The following CAMK4 variants were observed in gnomAD, a reference collection of about 807,000 sequenced individuals.
CAMK4 encodes calcium/calmodulin dependent protein kinase IV, also known as calcium/calmodulin-dependent protein kinase type IV.
Under a neutral mutation model 44.9 loss-of-function variants are expected in CAMK4, and 22 were observed. That is an observed-to-expected ratio of 0.49 (90% CI 0.35 to 0.70). The LOEUF is 0.70. Ranked by LOEUF, CAMK4 falls within the 30% of genes least tolerant of loss-of-function variation. The pLI, the probability that CAMK4 is intolerant of heterozygous loss-of-function variation, is 0.01. For synonymous variants in CAMK4, 218 were observed against 215.4 expected (o/e 1.01, Z -0.11); for missense variants, 498 against 586.8 (o/e 0.85, Z 1.56).
At chr5:111,275,690 G>T (rs1336161213) in intron 1 of CAMK4, among the ~76,000 whole-genome samples, 1 of 152,100 alleles carries the variant, frequency 6.6e-6, no homozygotes, top group African/African-American at 2.4e-5. Context: ...TGGTTAGATA[G>T]AAGGAAAAAG....
intron 1 of CAMK4, among the ~76,000 whole-genome samples, chr5:111,259,844 A>G (rs1038545513): frequency 2.6e-5 from 4 of 152,290 alleles, no homozygotes; most frequent in Non-Finnish European, 5.9e-5. Context: ...ATCATTAACA[A>G]CCTGACAGGT....
At chr5:111,452,559 C>T (rs1324300278) in intron 7 of CAMK4, among the ~76,000 whole-genome samples, 2 of 152,144 alleles carry the variant, frequency 1.3e-5, no homozygotes, top group Non-Finnish European at 2.9e-5. Flanking sequence ...TGCTCATGTC[C>T]TTCCTTAGCT....
chr5:111,227,275 C>T (rs2112486611), intron 1 of CAMK4, among the ~76,000 whole-genome samples: 1 of 152,324 alleles, frequency 6.6e-6, no homozygotes, highest in East Asian at 1.9e-4. Context: ...AATCTTCTTT[C>T]TTCCTACACT....
intron 1 of CAMK4, among the ~76,000 whole-genome samples, chr5:111,312,092 C>T (rs1362301918): frequency 6.6e-6 from 1 of 152,110 alleles, no homozygotes; most frequent in Non-Finnish European, 1.5e-5. Flanking sequence ...AATTTTCATA[C>T]AAAGAACTTA....
chr5:111,309,600 C>A (rs1580566096), intron 1 of CAMK4, among the ~76,000 whole-genome samples: 2 of 152,248 alleles, frequency 1.3e-5, no homozygotes, highest in Non-Finnish European at 1.5e-5. Context: ...GCTTAGTCAT[C>A]CTCCTGGCTT....
intron 1 of CAMK4, among the ~76,000 whole-genome samples, chr5:111,293,159 T>C (rs1580540482): frequency 6.6e-6 from 1 of 152,190 alleles, no homozygotes; most frequent in Non-Finnish European, 1.5e-5. Context: ...GCAGCCATCA[T>C]TGACACACAC....
In CAMK4 at chr5:111,373,635, A is replaced by G. The variant is rs79963968; in HGVS notation, c.241-1215A>G. ...TGCGCTTGGATTTCTCCTGAGGTCA[A>G]CCTTTTCTTCCTCAGGAGAAGTAAC... On this transcript the variant is annotated intron_variant, in intron 2 of 10. Coordinates refer to ENST00000282356, the MANE Select transcript of CAMK4 (RefSeq NM_001744.6). 5.0e-3 allele frequency among the ~76,000 whole-genome samples: 767 copies of G among 152,198 alleles called. 33 individuals carry two copies. In the East Asian group the frequency reaches 0.1, roughly 20 times the overall value.
chr5:111,272,710 C>G (rs1452840099), intron 1 of CAMK4, among the ~76,000 whole-genome samples: 1 of 152,040 alleles, frequency 6.6e-6, no homozygotes, highest in African/African-American at 2.4e-5. Context: ...TTTAGAGGAA[C>G]TAAAAAATTC....
chr5:111,374,997 G>A, intron 3 of CAMK4, 85 bp downstream of exon 3: 1 of 789,090 alleles, frequency 1.3e-6, no homozygotes, highest in East Asian at 2.8e-5. Context: ...TGCTGATAAT[G>A]AGAAGGGATT....
rs376466654 is a variant in CAMK4 at position 111,401,004 on chromosome 5, C to T, written c.459+6222C>T. ...AAAACATCATCATCCCCTACATTAT[C>T]CCCCACTGATACAGCCTTTCTTCCC... On this transcript the variant is annotated intron_variant, in intron 5 of 10. Coordinates refer to ENST00000282356, the MANE Select transcript of CAMK4 (RefSeq NM_001744.6). Among the ~76,000 whole-genome samples, 5 of 152,186 alleles carry T rather than the reference C, an allele frequency of 3.3e-5. No individual in the cohort carries two copies. The East Asian group carries it at 5.8e-4, about 18-fold the overall frequency.
chr5:111,460,487 G>T (rs935487135), intron 7 of CAMK4, among the ~76,000 whole-genome samples: 1 of 151,884 alleles, frequency 6.6e-6, no homozygotes, highest in Non-Finnish European at 1.5e-5. Context: ...GCCCAGGCTG[G>T]TCTTGAACTC....
chr5:111,457,584 G>C (rs927567600), intron 7 of CAMK4, among the ~76,000 whole-genome samples: 3 of 152,158 alleles, frequency 2.0e-5, no homozygotes, highest in Non-Finnish European at 2.9e-5. Flanking sequence ...ATTTTCAACA[G>C]CTTATAGTTG....
chr5:111,377,050 G>A, intron 4 of CAMK4, 108 bp downstream of exon 4: 1 of 661,142 alleles, frequency 1.5e-6, no homozygotes, highest in Non-Finnish European at 2.6e-6. Context: ...GATTATACTT[G>A]TTGATAAATA....
At chr5:111,276,287 G>A (rs1256470349) in intron 1 of CAMK4, among the ~76,000 whole-genome samples, 1 of 152,028 alleles carries the variant, frequency 6.6e-6, no homozygotes, top group Non-Finnish European at 1.5e-5. Context: ...GGAGCACACT[G>A]GTATTCAACC....
chr5:111,249,685 T>C (rs1450777733), intron 1 of CAMK4, among the ~76,000 whole-genome samples: 1 of 150,242 alleles, frequency 6.7e-6, no homozygotes, highest in Non-Finnish European at 1.5e-5. Flanking sequence ...TGTGTGTGTG[T>C]GTGTGTGTGT....
At chr5:111,276,816 G>A (rs1381752097) in intron 1 of CAMK4, among the ~76,000 whole-genome samples, 4 of 152,068 alleles carry the variant, frequency 2.6e-5, no homozygotes, top group Admixed American at 1.3e-4. Context: ...TTAAACATTA[G>A]AGTTGTTAAG....
chr5:111,326,157 A>G (rs945915578), intron 1 of CAMK4, among the ~76,000 whole-genome samples: 1 of 152,012 alleles, frequency 6.6e-6, no homozygotes, highest in Non-Finnish European at 1.5e-5. Context: ...GGAAAAATTT[A>G]AAATGCTAAA....
chr5:111,474,337 C>T (rs1464265825), intron 8 of CAMK4, among the ~76,000 whole-genome samples: 4 of 152,148 alleles, frequency 2.6e-5, no homozygotes, highest in Admixed American at 1.3e-4. Flanking sequence ...AGTCCAAGAC[C>T]AGAGTGTCAG....
chr5:111,476,603 C>T (rs570415666), intron 8 of CAMK4, among the ~76,000 whole-genome samples: 1 of 152,156 alleles, frequency 6.6e-6, no homozygotes, highest in African/African-American at 2.4e-5. Context: ...AGAGTTCTAG[C>T]TTGTCACCAC....
Sources: allele counts gnomAD v4.1 joint callset (sites outside exome capture counted in the v4.1 genomes callset), GRCh38; gene constraint gnomAD v4.1.1; transcripts MANE v1.5; gene names NCBI Gene and HGNC (gene_info 2026-07-23, HGNC 2026-07-21).